The following NELL2 variants were observed in gnomAD, a reference collection of about 807,000 sequenced individuals.
The protein encoded by NELL2 is protein kinase C-binding protein NELL2.
Under a neutral mutation model 109.6 loss-of-function variants are expected in NELL2, and 41 were observed. The observed-to-expected ratio is 0.37, with a 90% CI of 0.29 to 0.49. The LOEUF (loss-of-function observed/expected upper bound fraction) is 0.49, where lower values mean the gene tolerates loss of function less well. Ranked by LOEUF, NELL2 falls within the 20% of genes least tolerant of loss-of-function variation. The probability of loss-of-function intolerance (pLI) is 0.98; values close to 1 mark genes in which losing one functional copy is unlikely to be tolerated. For missense variants in NELL2, 900 were observed against 1,008.3 expected (o/e 0.89, Z 1.45); for synonymous variants, 355 against 344.7 (o/e 1.03, Z -0.33).
intron 9 of NELL2, among the ~76,000 whole-genome samples, chr12:44,745,736 A>G (rs1940304768): frequency 6.6e-6 from 1 of 152,212 alleles, no homozygotes. Context: ...AATCCAACTT[A>G]GAAGGGATGT....
chr12:44,822,475 C>T lies in NELL2; in HGVS notation c.185-6339G>A, dbSNP rs150996324. Among the ~76,000 whole-genome samples the T allele has an allele frequency of 2.3e-3, 346 of 152,226 alleles. 2 individuals carry two copies. Among genetic ancestry groups the T allele is most frequent in the African/African-American group, 7.2e-3 (300 of 41,540 alleles). On this transcript the variant is annotated intron_variant, in intron 2 of 19. Coordinates refer to ENST00000429094, the MANE Select transcript of NELL2 (RefSeq NM_001145108.2). ...CAATCCTGCCTACCCTAGAAAACTA[C>T]GAAAGATCATTCTTTTATGGACAAA... is the stretch of plus-strand genomic sequence containing the variant.
At chr12:44,816,809 G>A (rs1323654739) in intron 2 of NELL2, among the ~76,000 whole-genome samples, 1 of 152,128 alleles carries the variant, frequency 6.6e-6, no homozygotes, top group East Asian at 1.9e-4. Flanking sequence ...CTTAAGAGAG[G>A]CAAACTTTTA....
intron 1 of NELL2, among the ~76,000 whole-genome samples, chr12:44,919,491 T>C (rs770706169): frequency 5.3e-5 from 8 of 152,152 alleles, no homozygotes; most frequent in Non-Finnish European, 8.8e-5. Flanking sequence ...ATAAGGTTTC[T>C]GCAGACGCTC....
intron 13 of NELL2, among the ~76,000 whole-genome samples, chr12:44,633,068 A>C: frequency 6.6e-6 from 1 of 152,094 alleles, no homozygotes; most frequent in East Asian, 1.9e-4. Context: ...ACACACACAC[A>C]TGCATACACA....
At chr12:44,851,827 C>G (rs79510612) in intron 2 of NELL2, 2 of 152,266 alleles carry the variant, frequency 1.3e-5, no homozygotes, top group East Asian at 3.9e-4. Flanking sequence ...CAGCAGTGCC[C>G]AGGTCTTTTC....
At chr12:44,601,497 T>A (rs889627106) in intron 15 of NELL2, among the ~76,000 whole-genome samples, 1 of 152,172 alleles carries the variant, frequency 6.6e-6, no homozygotes, top group African/African-American at 2.4e-5. Context: ...ACCACTATAG[T>A]ACAGTAAAAT....
At chr12:44,833,697 C>G (rs1943957976) in intron 2 of NELL2, among the ~76,000 whole-genome samples, 1 of 152,172 alleles carries the variant, frequency 6.6e-6, no homozygotes, top group African/African-American at 2.4e-5. Context: ...TCCTAATTCT[C>G]CACTGAAGCA....
At chr12:44,584,508 T>C (rs1944426909) in intron 15 of NELL2, among the ~76,000 whole-genome samples, 1 of 152,252 alleles carries the variant, frequency 6.6e-6, no homozygotes, top group Admixed American at 6.5e-5. Flanking sequence ...TTAAGTGGCA[T>C]TCCTATATTA....
intron 12 of NELL2, 86 bp from the exon 13 acceptor site, chr12:44,665,695 T>C: frequency 7.3e-7 from 1 of 1,375,088 alleles, no homozygotes. Context: ...GAGAGGGAAG[T>C]ATTTACTAAA....
At chr12:44,721,374 A>C (rs76938669) in intron 9 of NELL2, among the ~76,000 whole-genome samples, 3,745 of 152,310 alleles carry the variant, frequency 0.025, 154 homozygotes, top group African/African-American at 0.085. Flanking sequence ...AGGAAAATAC[A>C]GTATTTGTGT....
rs1491104283 is a variant in NELL2, at chr12:44,658,876, CCA to C, written c.1444+6606_1444+6607del. On this transcript the variant is annotated intron_variant, in intron 13 of 19. Transcript: ENST00000429094. ...TGGGCGACAGAGCAAGACTCTGTCT[CCA>C]AAAAAAAAAAAAAAAAAAAAAGAAA... is the stretch of plus-strand genomic sequence containing the variant. Among the ~76,000 whole-genome samples, 7 of 97,616 alleles carry C rather than the reference CCA, an allele frequency of 7.2e-5. No homozygotes were observed. In the South Asian group the frequency reaches 1.3e-3, roughly 19 times the overall value. The allele number at this position is 97,616 out of a possible 152,430, so 64.0% of individuals were successfully genotyped here.
upstream of NELL2, among the ~76,000 whole-genome samples, chr12:44,918,046 T>C (rs1945841829): frequency 6.6e-6 from 1 of 152,246 alleles, no homozygotes; most frequent in South Asian, 2.1e-4. Context: ...TAATGTTCAT[T>C]TTCCTGGTCA....
chr12:44,748,522 A>G (rs890184981), intron 9 of NELL2, among the ~76,000 whole-genome samples: 6 of 152,188 alleles, frequency 3.9e-5, no homozygotes, highest in African/African-American at 1.4e-4. Context: ...ATTCATGCAA[A>G]TGAATCAAAA....
intron 15 of NELL2, among the ~76,000 whole-genome samples, chr12:44,586,366 C>T (rs968962376): frequency 2.0e-5 from 3 of 150,268 alleles, no homozygotes; most frequent in Non-Finnish European, 4.4e-5. Context: ...GTCATAAATA[C>T]GTGATTTCTT....
intron 16 of NELL2, among the ~76,000 whole-genome samples, chr12:44,531,312 T>G (rs1459226581): frequency 3.9e-5 from 6 of 152,216 alleles, no homozygotes; most frequent in Non-Finnish European, 2.9e-5. Context: ...TCCATTAAAT[T>G]CTATAAAATA....
chr12:44,885,381 A>T (rs1945458916), intron 1 of NELL2, among the ~76,000 whole-genome samples: 1 of 152,026 alleles, frequency 6.6e-6, no homozygotes, highest in Non-Finnish European at 1.5e-5. Flanking sequence ...ATCTACCTTT[A>T]AAAAATCCCA....
chr12:44,717,206 T>C (rs959562424), intron 9 of NELL2, among the ~76,000 whole-genome samples: 1 of 152,048 alleles, frequency 6.6e-6, no homozygotes, highest in Non-Finnish European at 1.5e-5. Context: ...AGAGGAGAAA[T>C]GTGAAGAAAT....
At chr12:44,584,762 C>T (rs1011138054) in intron 15 of NELL2, among the ~76,000 whole-genome samples, 11 of 152,116 alleles carry the variant, frequency 7.2e-5, no homozygotes, top group Admixed American at 2.6e-4. Context: ...ACTTCAGTTA[C>T]GAAGCAGTTA....
chr12:44,639,170 G>A (rs1946754521), intron 13 of NELL2, among the ~76,000 whole-genome samples: 1 of 152,124 alleles, frequency 6.6e-6, no homozygotes, highest in Non-Finnish European at 1.5e-5. Context: ...GGTCTAGACA[G>A]CTTATTCTTG....
Sources: gnomAD v4.1 joint callset for allele counts (sites outside exome capture counted in the v4.1 genomes callset) on GRCh38, gnomAD v4.1.1 for gene constraint, MANE v1.5 for transcripts, NCBI Gene and HGNC (gene_info 2026-07-23, HGNC 2026-07-21) for gene names.